Variants in FHIT observed in about 807,000 individuals in gnomAD.
The protein encoded by FHIT is fragile histidine triad diadenosine triphosphatase.
In FHIT, 19 loss-of-function variants were observed where a neutral mutation model predicts 17.9. The ratio of observed to expected loss-of-function variants is 1.06; its 90% confidence interval spans 0.74 to 1.56. FHIT has a LOEUF of 1.56. Ranked by LOEUF, FHIT falls within the 40% of genes most tolerant of loss-of-function variation. FHIT has a pLI of 0.00. For synonymous variants in FHIT, 81 were observed against 69.7 expected (o/e 1.16, Z -0.81); for missense variants, 248 against 189.2 (o/e 1.31, Z -1.82).
intron 5 of FHIT, among the ~76,000 whole-genome samples, chr3:60,357,918 C>T (rs555952041): frequency 6.6e-6 from 1 of 152,120 alleles, no homozygotes; most frequent in Non-Finnish European, 1.5e-5. Flanking sequence ...GACCTTCTCC[C>T]AGTAGATAAA....
intron 4 of FHIT, among the ~76,000 whole-genome samples, chr3:60,585,177 G>C (rs1553661197): frequency 6.6e-6 from 1 of 151,984 alleles, no homozygotes; most frequent in Non-Finnish European, 1.5e-5. Flanking sequence ...TCATGTGAGA[G>C]TAAGCTGAAG....
intron 4 of FHIT, among the ~76,000 whole-genome samples, chr3:60,774,440 A>G (rs1553723957): frequency 6.6e-6 from 1 of 152,084 alleles, no homozygotes; most frequent in East Asian, 1.9e-4. Context: ...AGTTGGGATT[A>G]CAGGCACCTG....
intron 8 of FHIT, among the ~76,000 whole-genome samples, chr3:59,870,490 A>C (rs868796658): frequency 1.3e-5 from 2 of 152,220 alleles, no homozygotes; most frequent in Non-Finnish European, 2.9e-5. Flanking sequence ...AAGGTATCTC[A>C]TAAGGACAAG....
chr3:60,592,534 CTG>C (rs2038122369), intron 4 of FHIT, among the ~76,000 whole-genome samples: 1 of 152,226 alleles, frequency 6.6e-6, no homozygotes, highest in South Asian at 2.1e-4. Flanking sequence ...TCTACCACCT[CTG>C]TGATGGTTCT....
At chr3:60,315,242 T>A (rs752817767) in intron 5 of FHIT, among the ~76,000 whole-genome samples, 2 of 152,174 alleles carry the variant, frequency 1.3e-5, no homozygotes, top group Non-Finnish European at 2.9e-5. Context: ...ATAATAATAA[T>A]AAATTGTCTT....
intron 2 of FHIT, among the ~76,000 whole-genome samples, chr3:61,145,285 G>T (rs1307927753): frequency 6.6e-6 from 1 of 152,016 alleles, no homozygotes; most frequent in Non-Finnish European, 1.5e-5. Flanking sequence ...AACATTTATT[G>T]AAAAGACTAA....
chr3:60,546,940 G>T (rs775811941), intron 4 of FHIT, among the ~76,000 whole-genome samples: 3 of 151,928 alleles, frequency 2.0e-5, no homozygotes, highest in Non-Finnish European at 4.4e-5. Context: ...CCCCATATAT[G>T]CTGCTAGTAC....
chr3:60,975,574 GT>G (rs1710196715), intron 3 of FHIT, among the ~76,000 whole-genome samples: 1 of 152,146 alleles, frequency 6.6e-6, no homozygotes, highest in South Asian at 2.1e-4. Flanking sequence ...AAGCTTGTTG[GT>G]TATGTAGAGT....
chr3:61,195,052 A>C (rs1209867687), intron 2 of FHIT, among the ~76,000 whole-genome samples: 2 of 152,004 alleles, frequency 1.3e-5, no homozygotes, highest in Admixed American at 6.6e-5. Flanking sequence ...AAACAGAACA[A>C]AGACTTCAAA....
chr3:59,798,712 CAG>C (rs752365684), intron 8 of FHIT, among the ~76,000 whole-genome samples: 4 of 152,248 alleles, frequency 2.6e-5, no homozygotes, highest in Admixed American at 6.5e-5. Flanking sequence ...TGGTTCCCAA[CAG>C]GATGACCATG....
At chr3:60,338,760 G>T (rs1710368305) in intron 5 of FHIT, among the ~76,000 whole-genome samples, 1 of 152,146 alleles carries the variant, frequency 6.6e-6, no homozygotes, top group Non-Finnish European at 1.5e-5. Flanking sequence ...CTGTGATGGG[G>T]AATAAACTGC....
chr3:60,023,333 C>A (rs1463863466), intron 5 of FHIT, among the ~76,000 whole-genome samples: 1 of 152,154 alleles, frequency 6.6e-6, no homozygotes, highest in Non-Finnish European at 1.5e-5. Context: ...TTTAATAGCA[C>A]CCTCACCATA....
chr3:60,165,266 T>C (rs1296087580), intron 5 of FHIT, among the ~76,000 whole-genome samples: 2 of 152,208 alleles, frequency 1.3e-5, no homozygotes. Flanking sequence ...AGTGAATGAA[T>C]GAATGCCTGC....
intron 3 of FHIT, among the ~76,000 whole-genome samples, chr3:61,025,186 A>G (rs770669316): frequency 6.6e-6 from 1 of 152,198 alleles, no homozygotes. Context: ...GACAGGGATA[A>G]AGATTTATTA....
intron 4 of FHIT, among the ~76,000 whole-genome samples, chr3:60,756,688 C>T (rs1699434304): frequency 6.6e-6 from 1 of 152,198 alleles, no homozygotes; most frequent in Admixed American, 6.5e-5. Context: ...TCTATGTTAT[C>T]ACCTGTGATC....
intron 8 of FHIT, among the ~76,000 whole-genome samples, chr3:59,845,496 G>A (rs949242747): frequency 6.6e-6 from 1 of 151,914 alleles, no homozygotes; most frequent in Non-Finnish European, 1.5e-5. Flanking sequence ...TGTCTTTTAA[G>A]TATTATCTAA....
chr3:60,713,879 T>A (rs11710325), intron 4 of FHIT, among the ~76,000 whole-genome samples: 142,430 of 149,570 alleles, frequency 0.95, 67,931 homozygotes, highest in East Asian at 1. Context: ...TACCATTCCT[T>A]CTGAAACTAT....
intron 4 of FHIT, among the ~76,000 whole-genome samples, chr3:60,775,630 C>T (rs947536452): frequency 9.2e-5 from 14 of 152,190 alleles, no homozygotes; most frequent in African/African-American, 2.2e-4. Flanking sequence ...ATATTTTTGG[C>T]GCCCAACGTG....
At chr3:59,959,284 T>C (rs945974611) in intron 7 of FHIT, among the ~76,000 whole-genome samples, 7 of 152,298 alleles carry the variant, frequency 4.6e-5, no homozygotes, top group Non-Finnish European at 8.8e-5. Context: ...TTTAAAGATG[T>C]CTCACCATGA....
Sources: gnomAD v4.1 joint callset for allele counts (sites outside exome capture counted in the v4.1 genomes callset) on GRCh38, gnomAD v4.1.1 for gene constraint, MANE v1.5 for transcripts, NCBI Gene and HGNC (gene_info 2026-07-23, HGNC 2026-07-21) for gene names.